DLGAP2: variants seen among roughly 807,000 people sequenced by gnomAD.
DLGAP2 encodes the protein disks large-associated protein 2.
A neutral mutation model predicts 100.3 loss-of-function variants in DLGAP2; 26 were observed. That is an observed-to-expected ratio of 0.26 (90% CI 0.19 to 0.36). The LOEUF is 0.36. Among genes scored for constraint, DLGAP2 ranks in the 10% least tolerant of loss-of-function variants. DLGAP2 has a pLI of 1.00. For synonymous variants in DLGAP2, 886 were observed against 630.1 expected (o/e 1.41, Z -6.08); for missense variants, 1,858 against 1,453.2 (o/e 1.28, Z -4.53).
intron 8 of DLGAP2, among the ~76,000 whole-genome samples, chr8:1,662,984 T>TGTAA (rs1798448759): frequency 6.8e-6 from 1 of 146,852 alleles, no homozygotes; most frequent in African/African-American, 2.6e-5. Context: ...ACTGTGTGTG[T>TGTAA]ACATGTGTGA....
intron 2 of DLGAP2, among the ~76,000 whole-genome samples, chr8:1,149,238 T>A (rs1000366653): frequency 6.6e-6 from 1 of 152,080 alleles, no homozygotes; most frequent in African/African-American, 2.4e-5. Context: ...CTCCGCCTTC[T>A]GGGTTCACGC....
At chr8:1,573,694 C>A (rs182338626) in intron 6 of DLGAP2, among the ~76,000 whole-genome samples, 3 of 152,272 alleles carry the variant, frequency 2.0e-5, no homozygotes, top group African/African-American at 7.2e-5. Context: ...CAGATGCTGG[C>A]AAGCAAGGGC....
intron 6 of DLGAP2, among the ~76,000 whole-genome samples, chr8:1,579,496 C>T (rs1250919254): frequency 6.6e-6 from 1 of 151,804 alleles, no homozygotes; most frequent in Non-Finnish European, 1.5e-5. Context: ...AAAATAATAT[C>T]GCCAAAGTAA....
chr8:1,640,220 A>G (rs1484534612), intron 8 of DLGAP2, among the ~76,000 whole-genome samples: 3 of 152,154 alleles, frequency 2.0e-5, no homozygotes, highest in Non-Finnish European at 4.4e-5. Context: ...CCTGATGAAG[A>G]GGAGCCAAAT....
chr8:806,318 G>C (rs1796268706), intron 1 of DLGAP2, among the ~76,000 whole-genome samples: 2 of 152,182 alleles, frequency 1.3e-5, no homozygotes, highest in South Asian at 4.1e-4. Flanking sequence ...CTTCTCTCTG[G>C]AGGGCGGCCC....
At chr8:965,220 C>T (rs1256460477) in intron 2 of DLGAP2, among the ~76,000 whole-genome samples, 2 of 141,156 alleles carry the variant, frequency 1.4e-5, no homozygotes, top group Admixed American at 6.9e-5. Context: ...AGTCTGACCC[C>T]GCACTGCACA....
intron 2 of DLGAP2, among the ~76,000 whole-genome samples, chr8:987,819 G>A (rs1351549962): frequency 6.6e-6 from 1 of 152,110 alleles, no homozygotes; most frequent in Non-Finnish European, 1.5e-5. Flanking sequence ...TTCTTCCCCA[G>A]TTTCCCCCAA....
intron 2 of DLGAP2, among the ~76,000 whole-genome samples, chr8:1,140,907 CG>C (rs974307343): frequency 6.6e-6 from 1 of 152,160 alleles, no homozygotes; most frequent in African/African-American, 2.4e-5. Flanking sequence ...TCGCTTGAAC[CG>C]GGGGGTGGAG....
rs186589693 is a variant in DLGAP2, at chr8:1,065,713, C to T, written c.73+157747C>T. Among the ~76,000 whole-genome samples the T allele has an allele frequency of 8.7e-4, 133 of 152,300 alleles. 1 individual carries two copies. The highest frequency in any genetic ancestry group is 3.0e-3 in the African/African-American group (125 of 41,562). On this transcript the variant is annotated intron_variant, in intron 2 of 14. Coordinates refer to ENST00000637795, the MANE Select transcript of DLGAP2 (RefSeq NM_001346810.2). ...GAGATTCATCTGTGCTGAACGTCGG[C>T]ACTTCTGGTTATCCCATTTAAGTAC...
chr8:1,101,985 C>G lies in DLGAP2; in HGVS notation c.74-156866C>G, dbSNP rs1316300321. Among the ~76,000 whole-genome samples, 12 of 151,440 alleles carry G rather than the reference C, an allele frequency of 7.9e-5. No individual in the cohort carries two copies. In the East Asian group the frequency reaches 2.3e-3, roughly 29 times the overall value. On this transcript the variant is annotated intron_variant, in intron 2 of 14. Coordinates refer to ENST00000637795, the MANE Select transcript of DLGAP2 (RefSeq NM_001346810.2). The stretch of plus-strand genomic sequence containing the variant: ...ATTTTATATTATGTTTATTTTAGCA[C>G]AAAAAAGGAAAAAAGATTTATGAAC...
chr8:1,307,752 G>C (rs1435311549), intron 3 of DLGAP2, among the ~76,000 whole-genome samples: 1 of 152,164 alleles, frequency 6.6e-6, no homozygotes, highest in Non-Finnish European at 1.5e-5. Flanking sequence ...TCCACAAAAT[G>C]AAATTCGCCC....
rs145530949 is a variant in DLGAP2, at chr8:1,524,745, C to T, written c.172+23314C>T. On this transcript the variant is annotated intron_variant, in intron 4 of 14. Transcript: ENST00000637795. ...CACACAGTGAGAGGGACACAGTCAT[C>T]GGACCAGCTTACAGTCTTCCCACCG... Among the ~76,000 whole-genome samples, 232 of 152,244 alleles carry T rather than the reference C, an allele frequency of 1.5e-3. 2 individuals carry two copies. Among genetic ancestry groups the T allele is most frequent in the East Asian group, 0.012 (64 of 5,180 alleles).
chr8:741,212 G>GA (rs1216161824), intron 1 of DLGAP2, among the ~76,000 whole-genome samples: 1 of 152,236 alleles, frequency 6.6e-6, no homozygotes, highest in African/African-American at 2.4e-5. Flanking sequence ...AAGTTAAGCA[G>GA]ATGGGCTTTG....
intron 2 of DLGAP2, among the ~76,000 whole-genome samples, chr8:1,213,019 T>C (rs1256584808): frequency 1.3e-5 from 2 of 152,156 alleles, no homozygotes; most frequent in East Asian, 3.8e-4. Context: ...TGTTAAATTC[T>C]GTAATTTGTC....
intron 1 of DLGAP2, among the ~76,000 whole-genome samples, chr8:790,347 G>C (rs971700192): frequency 3.3e-5 from 5 of 152,188 alleles, no homozygotes; most frequent in African/African-American, 1.2e-4. Context: ...TGGAGATGAC[G>C]TAACCAAAAT....
At position 1,298,387 on chromosome 8, in the gene DLGAP2, G is replaced by A. The variant is rs140990147; in HGVS notation, c.106+39504G>A. On this transcript the variant is annotated intron_variant, in intron 3 of 14. Coordinates refer to ENST00000637795, the MANE Select transcript of DLGAP2 (RefSeq NM_001346810.2). Reference sequence around the variant, plus strand: ...TGATGGCCCCGCACCTGGCACTGTCGCCGTCCCTCAGTGGAGACACCAGGA... The same window carrying A: ...TGATGGCCCCGCACCTGGCACTGTCACCGTCCCTCAGTGGAGACACCAGGA... Among the ~76,000 whole-genome samples the A allele has an allele frequency of 2.1e-3, 313 of 152,234 alleles. 4 individuals are homozygous for A. The highest frequency in any genetic ancestry group is 6.8e-3 in the Middle Eastern group (2 of 294).
intron 3 of DLGAP2, among the ~76,000 whole-genome samples, chr8:1,470,870 ACCCCTCCATCCTTTCCC>A (rs1798769522): frequency 6.5e-5 from 1 of 15,408 alleles, no homozygotes; most frequent in African/African-American, 1.7e-4. Flanking sequence ...GCCTTTCCCG[ACCCCTCCATCCTTTCCC>A]GACCCCTCCA....
At chr8:1,368,708 C>G (rs1019018390) in intron 3 of DLGAP2, 5 of 152,124 alleles carry the variant, frequency 3.3e-5, no homozygotes, top group African/African-American at 1.2e-4. Context: ...TATGCTACAG[C>G]GTTACCTCAT....
chr8:1,064,366 G>A (rs73540071), intron 2 of DLGAP2, among the ~76,000 whole-genome samples: 4,830 of 152,234 alleles, frequency 0.032, 235 homozygotes, highest in African/African-American at 0.11. Flanking sequence ...AATATGTCAG[G>A]CAACCTGTTT....
Sources: gnomAD v4.1 joint callset for allele counts (sites outside exome capture counted in the v4.1 genomes callset) on GRCh38, gnomAD v4.1.1 for gene constraint, MANE v1.5 for transcripts, NCBI Gene and HGNC (gene_info 2026-07-23, HGNC 2026-07-21) for gene names.